FAM110B: variants seen among roughly 807,000 people sequenced by gnomAD.
FAM110B encodes protein FAM110B.
In FAM110B, 6 loss-of-function variants were observed where a neutral mutation model predicts 20.4. The ratio of observed to expected loss-of-function variants is 0.29; its 90% CI spans 0.16 to 0.58. The LOEUF (loss-of-function observed/expected upper bound fraction) is 0.58. Among genes scored for constraint, FAM110B ranks in the 20% least tolerant of loss-of-function variants. The pLI, the probability that FAM110B is intolerant of heterozygous loss-of-function variation, is 0.90. For missense variants in FAM110B, 434 were observed against 498.2 expected (o/e 0.87, Z 1.23); for synonymous variants, 226 against 214.1 (o/e 1.06, Z -0.49).
chr8:58,052,858 T>C (rs1805477276), intron 2 of FAM110B, among the ~76,000 whole-genome samples: 1 of 129,396 alleles, frequency 7.7e-6, no homozygotes, highest in Non-Finnish European at 1.6e-5. Flanking sequence ...CGATCTCGGC[T>C]CACTGCAAGC....
rs180728094 is a variant in FAM110B, at chr8:58,129,010, A to C, written c.-324-16897A>C. 1.2e-4 allele frequency among the ~76,000 whole-genome samples: 19 copies of C among 152,350 alleles called. No individual in the cohort carries two copies. In the East Asian group the frequency reaches 3.7e-3, roughly 29 times the overall value. ...AAAGCTTCACCTCCTGAGTTCTAGA[A>C]ACAACGCTGGGAGTGATCCAGAATG... On this transcript the variant is annotated intron_variant, in intron 3 of 3. Coordinates refer to ENST00000519262, the MANE Select transcript of FAM110B (RefSeq NM_001377989.1).
intron 3 of FAM110B, among the ~76,000 whole-genome samples, chr8:58,107,836 G>A (rs1343675176): frequency 1.3e-5 from 2 of 152,106 alleles, no homozygotes; most frequent in Non-Finnish European, 2.9e-5. Flanking sequence ...CAGCATGCTT[G>A]GTTACATACC....
At chr8:58,001,843 A>T (rs567626222) in intron 1 of FAM110B, among the ~76,000 whole-genome samples, 1 of 152,332 alleles carries the variant, frequency 6.6e-6, no homozygotes, top group African/African-American at 2.4e-5. Flanking sequence ...AGAGAACCAG[A>T]ACCAATAGAA....
At chr8:58,020,829 C>T (rs2150569372) in intron 1 of FAM110B, among the ~76,000 whole-genome samples, 1 of 152,244 alleles carries the variant, frequency 6.6e-6, no homozygotes, top group Admixed American at 6.5e-5. Flanking sequence ...CAGTGCATGC[C>T]ACTGTCTGAG....
intron 2 of FAM110B, chr8:58,032,184 T>C (rs1804976962): frequency 6.6e-6 from 1 of 152,208 alleles, no homozygotes; most frequent in South Asian, 2.1e-4. Context: ...AGTGGCTTTT[T>C]TACCTGAGAA....
intron 3 of FAM110B, among the ~76,000 whole-genome samples, chr8:58,108,924 G>A (rs1806985566): frequency 6.6e-6 from 1 of 152,126 alleles, no homozygotes. Context: ...TTATGTACAA[G>A]GCATTTGACA....
At chr8:58,142,661 T>G (rs574368129) in intron 3 of FAM110B, among the ~76,000 whole-genome samples, 27 of 152,284 alleles carry the variant, frequency 1.8e-4, no homozygotes, top group Non-Finnish European at 4.0e-4. Flanking sequence ...CCAAGTTTCT[T>G]TTCCCCAGTC....
intron 3 of FAM110B, among the ~76,000 whole-genome samples, chr8:58,122,026 A>G (rs1807374729): frequency 6.6e-6 from 1 of 152,196 alleles, no homozygotes; most frequent in Non-Finnish European, 1.5e-5. Context: ...TCCTAAGTAA[A>G]GGGGCCTGGA....
chr8:57,998,354 G>A lies in FAM110B; in HGVS notation c.-512+3548G>A, dbSNP rs186952143. Among the ~76,000 whole-genome samples the A allele has an allele frequency of 9.2e-5, 14 of 152,288 alleles. No individual in the cohort carries two copies. The East Asian group carries it at 2.5e-3, about 27-fold the overall frequency. ...TTTGGCTTCGTTGCTCAGGTGTTCT[G>A]AGAGCAGCACAGCTCCCCCTATGCC... On this transcript the variant is annotated intron_variant, in intron 1 of 3. Transcript: ENST00000519262.
Position 58,098,284 on chromosome 8 carries a change from T to C in FAM110B, c.-325+22661T>C, listed in dbSNP as rs571331106. Among the ~76,000 whole-genome samples the C allele has an allele frequency of 1.5e-4, 23 of 152,338 alleles. No individual in the cohort carries two copies. In the East Asian group the frequency reaches 4.4e-3, roughly 29 times the overall value. The stretch of plus-strand genomic sequence containing the variant: ...GAGATGCAGTCTGGCTACAGCGGCT[T>C]TCTCTGGCTGCAGTGGGCTCCACCC... On this transcript the variant is annotated intron_variant, in intron 3 of 3. Coordinates refer to ENST00000519262, the MANE Select transcript of FAM110B (RefSeq NM_001377989.1).
At chr8:58,043,738 G>A (rs35109067) in intron 2 of FAM110B, among the ~76,000 whole-genome samples, 16,850 of 152,126 alleles carry the variant, frequency 0.11, 1,233 homozygotes, top group Middle Eastern at 0.25. Flanking sequence ...CTATTGCCAG[G>A]CACTGGTTTA....
intron 3 of FAM110B, among the ~76,000 whole-genome samples, chr8:58,099,413 C>G (rs1248647360): frequency 6.6e-6 from 1 of 151,952 alleles, no homozygotes; most frequent in African/African-American, 2.4e-5. Context: ...ATAAGTGATA[C>G]TCAACCTGCA....
chr8:58,098,474 C>A (rs944358370), intron 3 of FAM110B, among the ~76,000 whole-genome samples: 1 of 152,200 alleles, frequency 6.6e-6, no homozygotes, highest in African/African-American at 2.4e-5. Context: ...TCTTAGCTTG[C>A]TGGGTTCCTT....
intron 2 of FAM110B, among the ~76,000 whole-genome samples, chr8:58,067,350 A>G (rs1805793005): frequency 1.3e-5 from 2 of 152,166 alleles, no homozygotes; most frequent in Non-Finnish European, 2.9e-5. Context: ...TTCGACTTGG[A>G]AGGTAATGGG....
intron 1 of FAM110B, among the ~76,000 whole-genome samples, chr8:58,016,581 G>C (rs889118819): frequency 6.6e-6 from 1 of 152,220 alleles, no homozygotes; most frequent in Non-Finnish European, 1.5e-5. Context: ...TTTTTGGCCA[G>C]CCAAGAACCT....
intron 2 of FAM110B, among the ~76,000 whole-genome samples, chr8:58,073,136 G>T (rs531334127): frequency 6.6e-6 from 1 of 152,174 alleles, no homozygotes; most frequent in Non-Finnish European, 1.5e-5. Context: ...AGTATTCCAT[G>T]ATCATGGACA....
chr8:58,018,395 A>T (rs1488482109), intron 1 of FAM110B, among the ~76,000 whole-genome samples: 1 of 152,140 alleles, frequency 6.6e-6, no homozygotes, highest in East Asian at 1.9e-4. Context: ...ACTTTGTCTG[A>T]TATTGAAATA....
intron 3 of FAM110B, among the ~76,000 whole-genome samples, chr8:58,132,370 G>A (rs1211381044): frequency 6.6e-6 from 1 of 151,798 alleles, no homozygotes; most frequent in Non-Finnish European, 1.5e-5. Context: ...GTACAGGCTG[G>A]GGGTGGTGAG....
At chr8:58,018,813 G>A (rs1041675501) in intron 1 of FAM110B, among the ~76,000 whole-genome samples, 3 of 90,372 alleles carry the variant, frequency 3.3e-5, no homozygotes, top group Non-Finnish European at 6.7e-5. Context: ...GATTACAATA[G>A]ATAGATAGAT....
Sources: gnomAD v4.1 joint callset for allele counts (sites outside exome capture counted in the v4.1 genomes callset) on GRCh38, gnomAD v4.1.1 for gene constraint, MANE v1.5 for transcripts, NCBI Gene and HGNC (gene_info 2026-07-23, HGNC 2026-07-21) for gene names.